The following PARP1 variants were observed in gnomAD, a reference collection of about 807,000 sequenced individuals.
PARP1 encodes poly [ADP-ribose] polymerase 1.
In PARP1, 44 loss-of-function variants were observed where a neutral mutation model predicts 118.7. The ratio of observed to expected loss-of-function variants is 0.37; its 90% CI spans 0.29 to 0.48. PARP1 has a LOEUF of 0.48. Ranked by LOEUF, PARP1 falls within the 20% of genes least tolerant of loss-of-function variation. PARP1 has a pLI of 0.99. For synonymous variants in PARP1, 492 were observed against 483.2 expected (o/e 1.02, Z -0.24); for missense variants, 1,100 against 1,272.4 (o/e 0.86, Z 2.06).
At chr1:226,400,386 G>A (rs779261755) in intron 2 of PARP1, among the ~76,000 whole-genome samples, 3 of 152,076 alleles carry the variant, frequency 2.0e-5, no homozygotes, top group Admixed American at 1.3e-4. Context: ...CTGGAGTCAC[G>A]CCTCACACCA....
At chr1:226,392,491 C>G in intron 2 of PARP1, 177 bp from the exon 3 acceptor site, 3 of 640,334 alleles carry the variant, frequency 4.7e-6, no homozygotes, top group Non-Finnish European at 8.5e-6. Flanking sequence ...GCTAATAGAG[C>G]TTCTTTTCTG....
rs753686748 is a variant in PARP1, at chr1:226,386,365, G to A, written c.795C>T (p.Leu265=). 1.2e-6 allele frequency: 2 copies of A among 1,613,622 alleles called. No individual in the cohort carries two copies. The highest frequency in any genetic ancestry group is 2.2e-5 in the South Asian group (2 of 91,044). ...AAGGCACTTGCTGCTTGTTGAAGAT[G>A]AGTAGCTCCTTCAGGTCATTAGTTG... ...VCSTNDLKEL[L]IFNKQQVPSG... Residue 265 remains leucine (L), a synonymous_variant, in exon 6 of 23, where the codon CTC becomes CTT. Transcript: ENST00000366794.
intron 1 of PARP1, among the ~76,000 whole-genome samples, chr1:226,407,330 G>C (rs1400047265): frequency 6.7e-6 from 1 of 150,102 alleles, no homozygotes. Flanking sequence ...ATGAGAGTGA[G>C]CGTTTAAATG....
intron 13 of PARP1, among the ~76,000 whole-genome samples, chr1:226,375,652 T>C (rs989039853): frequency 6.6e-6 from 1 of 152,218 alleles, no homozygotes; most frequent in Non-Finnish European, 1.5e-5. Flanking sequence ...TTTATTGGTA[T>C]TGATCAGGTG....
chr1:226,394,545 C>T (rs1664877862), intron 2 of PARP1, among the ~76,000 whole-genome samples: 2 of 152,188 alleles, frequency 1.3e-5, no homozygotes, highest in Admixed American at 1.3e-4. Flanking sequence ...AATAACTGTA[C>T]AGGTGCGTGG....
At chr1:226,370,944 A>G in intron 14 of PARP1, 1 of 246,540 alleles carries the variant, frequency 4.1e-6, no homozygotes, top group South Asian at 5.8e-5. Flanking sequence ...TCCCACCTGG[A>G]AAAGAACCAA....
chr1:226,387,267 A>C (rs984921901), intron 5 of PARP1, among the ~76,000 whole-genome samples: 1 of 152,156 alleles, frequency 6.6e-6, no homozygotes, highest in African/African-American at 2.4e-5. Flanking sequence ...ACAGGTGCTC[A>C]AGCCACTGCA....
intron 2 of PARP1, among the ~76,000 whole-genome samples, chr1:226,400,547 G>C (rs1401828939): frequency 6.6e-6 from 1 of 152,220 alleles, no homozygotes; most frequent in Non-Finnish European, 1.5e-5. Context: ...CCACAGCCTT[G>C]TTCCCTAGCA....
intron 14 of PARP1, chr1:226,370,873 C>T (rs1664370017): frequency 3.3e-6 from 1 of 299,248 alleles, no homozygotes; most frequent in Non-Finnish European, 6.6e-6. Context: ...CTGACCACCC[C>T]ACCCAGCGGC....
intron 18 of PARP1, among the ~76,000 whole-genome samples, 176 bp downstream of exon 18, chr1:226,365,778 C>A (rs915776628): frequency 1.4e-4 from 6 of 41,576 alleles, no homozygotes; most frequent in South Asian, 1.4e-3. Flanking sequence ...AAAAAAAAAA[C>A]AAAAAACAAA....
At chr1:226,402,523 G>C (rs1576404378) in intron 1 of PARP1, 144 bp from the exon 2 acceptor site, 1 of 790,288 alleles carries the variant, frequency 1.3e-6, no homozygotes, top group Non-Finnish European at 2.1e-6. Flanking sequence ...TCTGTGAAAG[G>C]AGGACAGCCT....
At chr1:226,396,616 T>C (rs1664929114) in intron 2 of PARP1, among the ~76,000 whole-genome samples, 1 of 152,234 alleles carries the variant, frequency 6.6e-6, no homozygotes, top group Non-Finnish European at 1.5e-5. Flanking sequence ...TTAGGCTCTC[T>C]GGATGAAAAA....
At chr1:226,380,586 A>G (rs1664585010) in intron 9 of PARP1, among the ~76,000 whole-genome samples, 1 of 152,186 alleles carries the variant, frequency 6.6e-6, no homozygotes, top group Non-Finnish European at 1.5e-5. Flanking sequence ...GCAGATATCT[A>G]TGCACATCTT....
Position 226,370,637 on chromosome 1 carries a change from T to C in PARP1, c.2071-120A>G, listed in dbSNP as rs1664362337. Reference sequence around the variant, plus strand: ...AGGAGCAGTCAGGAGCCTGCTGGGATTTCCTGAGGACACCAGTGACCCAAA... The same window carrying C: ...AGGAGCAGTCAGGAGCCTGCTGGGACTTCCTGAGGACACCAGTGACCCAAA... On this transcript the variant is annotated intron_variant, in intron 14 of 22. Transcript: ENST00000366794. 5.0e-6 allele frequency: 4 copies of C among 796,892 alleles called. 1 individual carries two copies. Among genetic ancestry groups the C allele is most frequent in the Non-Finnish European group, 2.2e-6 (1 of 454,130 alleles). 49.4% of individuals were successfully genotyped at this position (796,892 alleles called of 1,614,324 possible).
chr1:226,401,894 T>G, intron 2 of PARP1: 2 of 1,106,174 alleles, frequency 1.8e-6, no homozygotes, highest in Non-Finnish European at 2.5e-6. Context: ...GAAGAGCCTG[T>G]GTGGTGGGAG....
At position 226,380,055 on chromosome 1, in the gene PARP1, C is replaced by T; in HGVS notation, c.1410G>A (p.Gln470=). 1 of 1,614,254 alleles carries T rather than the reference C, an allele frequency of 6.2e-7. No homozygotes were observed. Among genetic ancestry groups the T allele is most frequent in the Non-Finnish European group, 8.5e-7 (1 of 1,180,040 alleles). ...ACAAGATGTGCGCTAAGAACAACTCCTGAAGGCTCTTGGTGGAGGCGGAGA... is the reference window on the plus strand; with the variant it reads ...ACAAGATGTGCGCTAAGAACAACTCTTGAAGGCTCTTGGTGGAGGCGGAGA... ...QDVSASTKSL[Q]ELFLAHILSP... Residue 470 remains glutamine, a synonymous_variant, in exon 10 of 23, where the codon CAG becomes CAA. Transcript: ENST00000366794.
intron 1 of PARP1, among the ~76,000 whole-genome samples, chr1:226,406,772 T>C (rs1016861635): frequency 3.3e-5 from 5 of 152,182 alleles, no homozygotes; most frequent in African/African-American, 1.2e-4. Flanking sequence ...GACAGGCATA[T>C]TGTGAAATAA....
At position 226,385,584 on chromosome 1, in the gene PARP1, A is replaced by G; in HGVS notation, c.931T>C (p.Cys311Arg). ...QLVFKSDAYY[C>R]TGDVTAWTKC... The stretch of plus-strand genomic sequence containing the variant: ...GTCCAGGCAGTGACGTCCCCAGTGC[A>G]GTAATAGGCATCGCTCTTGAAGACC... The change falls in exon 7 of 23, where the codon TGC becomes CGC. Residue 311 changes from cysteine to arginine, a missense_variant. This residue lies in a region of PARP1 where 948 missense variants were observed against 1,031.8 expected (regional missense o/e 0.92). Transcript: ENST00000366794. The G allele has an allele frequency of 1.2e-6, 2 of 1,614,180 alleles. No individual in the cohort carries two copies. Among genetic ancestry groups the G allele is most frequent in the Non-Finnish European group, 1.7e-6 (2 of 1,180,002 alleles).
chr1:226,373,267 C>T (rs1664425534), intron 14 of PARP1, among the ~76,000 whole-genome samples: 1 of 152,168 alleles, frequency 6.6e-6, no homozygotes. Flanking sequence ...GGGTGGAATG[C>T]TTAAGGCTGA....
Sources: allele counts gnomAD v4.1 joint callset (sites outside exome capture counted in the v4.1 genomes callset), GRCh38; gene constraint gnomAD v4.1.1; regional missense constraint gnomAD v4.1.1; transcripts MANE v1.5; gene names NCBI Gene and HGNC (gene_info 2026-07-23, HGNC 2026-07-21).